Variants in NEBL observed in about 807,000 individuals in gnomAD.
NEBL encodes nebulette, also known as LIM and SH3 protein 2.
NEBL carries 122 observed loss-of-function variants against 140.2 expected under a neutral mutation model. That is an observed-to-expected ratio of 0.87 (90% confidence interval 0.75 to 1.01). The LOEUF (loss-of-function observed/expected upper bound fraction) is 1.01. NEBL is among the 50% of genes least tolerant of loss of function. The pLI, the probability that NEBL is intolerant of heterozygous loss-of-function variation, is 0.00. For synonymous variants in NEBL, 436 were observed against 398.9 expected, an observed-to-expected ratio of 1.09 and a Z score of -1.11; for missense variants, 1,365 against 1,231.3, an observed-to-expected ratio of 1.11 and a Z score of -1.62.
intron 3 of NEBL, among the ~76,000 whole-genome samples, chr10:21,186,937 T>C (rs546077068): frequency 1.3e-5 from 2 of 151,932 alleles, no homozygotes; most frequent in South Asian, 4.2e-4. Flanking sequence ...TCATCTTTGG[T>C]TGGTTGAATC....
intron 4 of NEBL, among the ~76,000 whole-genome samples, chr10:20,954,043 A>G (rs1833747046): frequency 6.8e-6 from 1 of 147,128 alleles, no homozygotes; most frequent in African/African-American, 2.5e-5. Flanking sequence ...AAAAAAAAAA[A>G]GAAAGAAAAA....
intron 1 of NEBL, among the ~76,000 whole-genome samples, chr10:21,279,723 A>T (rs1842968688): frequency 4.7e-5 from 7 of 150,472 alleles, no homozygotes; most frequent in Admixed American, 2.7e-4. Flanking sequence ...GCATCATTGC[A>T]CTCCAGTCTG....
chr10:20,848,407 T>G (rs535776902), intron 11 of NEBL, among the ~76,000 whole-genome samples: 42 of 152,326 alleles, frequency 2.8e-4, no homozygotes, highest in African/African-American at 9.6e-4. Flanking sequence ...GGTTACTTCA[T>G]ATTTCTTTAT....
At chr10:20,877,575 G>T (rs1202947279) in intron 5 of NEBL, among the ~76,000 whole-genome samples, 1 of 152,182 alleles carries the variant, frequency 6.6e-6, no homozygotes, top group East Asian at 1.9e-4. Flanking sequence ...AATGTTGACA[G>T]TTGTGACAAT....
intron 2 of NEBL, among the ~76,000 whole-genome samples, chr10:21,160,726 C>T (rs1840524458): frequency 1.3e-5 from 2 of 152,166 alleles, no homozygotes; most frequent in Non-Finnish European, 1.5e-5. Context: ...AAAGGCAGAA[C>T]ATTGAAGAAA....
intron 2 of NEBL, among the ~76,000 whole-genome samples, chr10:21,091,360 C>T (rs1428694620): frequency 6.6e-6 from 1 of 152,078 alleles, no homozygotes; most frequent in Non-Finnish European, 1.5e-5. Flanking sequence ...GTGTCTGGGC[C>T]ATTTCAATAC....
chr10:20,904,440 C>A (rs1008850161), intron 4 of NEBL, among the ~76,000 whole-genome samples: 1 of 152,072 alleles, frequency 6.6e-6, no homozygotes, highest in Admixed American at 6.6e-5. Flanking sequence ...TTAAAAAATT[C>A]TTTAATGATG....
At chr10:21,009,109 G>C (rs1838241680) in intron 3 of NEBL, among the ~76,000 whole-genome samples, 1 of 152,092 alleles carries the variant, frequency 6.6e-6, no homozygotes, top group Non-Finnish European at 1.5e-5. Context: ...CAGAAATATA[G>C]TTAAGAGCTA....
intron 7 of NEBL, among the ~76,000 whole-genome samples, chr10:20,861,529 G>A (rs540278875): frequency 5.3e-5 from 8 of 152,074 alleles, no homozygotes; most frequent in South Asian, 2.1e-4. Flanking sequence ...CCATATTTTC[G>A]TCACTGGTTC....
chr10:20,934,604 G>A (rs1027189107), intron 4 of NEBL, among the ~76,000 whole-genome samples: 2 of 152,138 alleles, frequency 1.3e-5, no homozygotes, highest in Non-Finnish European at 2.9e-5. Context: ...CTCATCCAGT[G>A]GAGAATGCCA....
At chr10:21,020,088 G>C (rs749259336) in intron 3 of NEBL, 5 of 1,581,860 alleles carry the variant, frequency 3.2e-6, no homozygotes, top group Admixed American at 1.7e-5. Context: ...TTAGGGCCAA[G>C]GGAACAAAAC....
chr10:21,174,158 T>TC, exon 1 of NEBL: 1 of 500,570 alleles, frequency 2.0e-6, no homozygotes, highest in Non-Finnish European at 2.6e-6. Context: ...GCTCACTCGC[T>TC]CCCCCGCCTC....
chr10:21,274,888 T>C (rs1340325006), intron 1 of NEBL, among the ~76,000 whole-genome samples: 4 of 152,086 alleles, frequency 2.6e-5, no homozygotes. Flanking sequence ...TGAGTGGAAG[T>C]GGATCATCAT....
chr10:21,283,694 CAT>C, intron 1 of NEBL, among the ~76,000 whole-genome samples: 1 of 152,278 alleles, frequency 6.6e-6, no homozygotes, highest in Non-Finnish European at 1.5e-5. Flanking sequence ...TGCAGTGAAT[CAT>C]ATGAATATTC....
In NEBL at chr10:21,033,698, C is replaced by T. The variant is rs188154699; in HGVS notation, c.165-13497G>A. Among the ~76,000 whole-genome samples the T allele has an allele frequency of 5.3e-5, 8 of 150,278 alleles. 1 individual carries two copies. In the East Asian group the frequency reaches 1.6e-3, roughly 30 times the overall value. ...GAGGTTGCAGTGAGTCAAGATTGCACCACTGCACTCCAGCCTGGCAACAAG... is the reference window on the plus strand; with the variant it reads ...GAGGTTGCAGTGAGTCAAGATTGCATCACTGCACTCCAGCCTGGCAACAAG... On this transcript the variant is annotated intron_variant, in intron 2 of 6. Coordinates refer to the NEBL transcript ENST00000417816.
chr10:20,962,884 G>C (rs1297228700), intron 3 of NEBL, among the ~76,000 whole-genome samples: 2 of 151,980 alleles, frequency 1.3e-5, no homozygotes, highest in Non-Finnish European at 2.9e-5. Flanking sequence ...TCACTTCGTT[G>C]AACATGGAAT....
At chr10:20,816,911 G>T (rs1838772088) in intron 21 of NEBL, among the ~76,000 whole-genome samples, 1 of 152,106 alleles carries the variant, frequency 6.6e-6, no homozygotes, top group African/African-American at 2.4e-5. Context: ...ATGATTGTGG[G>T]AAGTGGAAAG....
chr10:21,290,673 G>A (rs1302843073), intron 1 of NEBL, among the ~76,000 whole-genome samples: 1 of 152,144 alleles, frequency 6.6e-6, no homozygotes, highest in Non-Finnish European at 1.5e-5. Context: ...TTTGTTCACA[G>A]TGCAGTTCTT....
At chr10:20,911,147 A>G (rs892635882) in intron 4 of NEBL, among the ~76,000 whole-genome samples, 17 of 152,224 alleles carry the variant, frequency 1.1e-4, no homozygotes, top group African/African-American at 4.1e-4. Flanking sequence ...CTGGGCAACA[A>G]AACAAGATCC....
Sources: gnomAD v4.1 joint callset for allele counts (sites outside exome capture counted in the v4.1 genomes callset) on GRCh38, gnomAD v4.1.1 for gene constraint, MANE v1.5 for transcripts, NCBI Gene and HGNC (gene_info 2026-07-23, HGNC 2026-07-21) for gene names.